The following ACOT11 variants were observed in gnomAD, a reference collection of about 807,000 sequenced individuals.
ACOT11 encodes the protein acyl-coenzyme A thioesterase 11.
A neutral mutation model predicts 77.5 loss-of-function variants in ACOT11; 69 were observed. That is an observed-to-expected ratio of 0.89 (90% CI 0.73 to 1.09). The LOEUF (loss-of-function observed/expected upper bound fraction) is 1.09. ACOT11 is among the 50% of genes least tolerant of loss of function. The pLI, the probability that ACOT11 is intolerant of heterozygous loss-of-function variation, is 0.00. For synonymous variants in ACOT11, 279 were observed against 313.0 expected (o/e 0.89, Z 1.15); for missense variants, 766 against 813.7 (o/e 0.94, Z 0.71).
In ACOT11 at chr1:54,584,559, C is replaced by T; in HGVS notation, c.34-96C>T. The T allele has an allele frequency of 8.2e-7, 1 of 1,215,888 alleles. No homozygotes were observed. Among genetic ancestry groups the T allele is most frequent in the Non-Finnish European group, 1.2e-6 (1 of 864,090 alleles). 75.3% of individuals were successfully genotyped at this position (1,215,888 alleles called of 1,614,324 possible). A position where few individuals can be genotyped will look rare whatever the true frequency, so the allele number is the denominator to read the frequency against. On this transcript the variant is annotated intron_variant, in intron 1 of 15. Coordinates refer to ENST00000343744, the MANE Select transcript of ACOT11 (RefSeq NM_147161.4). This position sits in a 1 kb window ranked among gnomAD's most constrained non-coding sequence, Gnocchi z 6.3. ...TGGGAGGTGGCCCTAGGTACTCTCT[C>T]TCCCCCAGACCCTAAGTTCTCAGGG...
At chr1:54,579,345 G>T (rs1654221411) in intron 1 of ACOT11, among the ~76,000 whole-genome samples, 1 of 152,098 alleles carries the variant, frequency 6.6e-6, no homozygotes, top group South Asian at 2.1e-4. Flanking sequence ...TTATTTGTTT[G>T]TATTTTGGTT....
At chr1:54,570,903 A>G (rs1225734425) in intron 1 of ACOT11, among the ~76,000 whole-genome samples, 2 of 151,438 alleles carry the variant, frequency 1.3e-5, no homozygotes, top group African/African-American at 2.4e-5. Flanking sequence ...GCCTGGTCTC[A>G]AACTCCTGGC....
At chr1:54,624,012 A>G (rs554876759) in intron 15 of ACOT11, among the ~76,000 whole-genome samples, 77 of 152,312 alleles carry the variant, frequency 5.1e-4, no homozygotes, top group African/African-American at 1.8e-3. Context: ...TGGGATAGAA[A>G]TGGATAGTCC....
rs778591642 is a variant in ACOT11 at position 54,609,338 on chromosome 1, C to T, written c.*226C>T. 1.1e-5 allele frequency: 18 copies of T among 1,613,984 alleles called. No individual in the cohort carries two copies. The highest frequency in any genetic ancestry group is 1.5e-5 in the Non-Finnish European group (18 of 1,179,970). ...GGGTAGCCTGTAGTAGACTCGGGTC[C>T]TGTCCACAGCCCTAGCTGCCAGCAA... On this transcript the variant is annotated 3_prime_UTR_variant, in exon 16 of 16. Coordinates refer to ENST00000343744, the MANE Select transcript of ACOT11 (RefSeq NM_147161.4).
rs534888554 is a variant in ACOT11 at position 54,572,344 on chromosome 1, G to T, written c.34-12311G>T. Among the ~76,000 whole-genome samples the T allele has an allele frequency of 7.2e-5, 11 of 152,212 alleles. 1 individual carries two copies. Among genetic ancestry groups the T allele is most frequent in the African/African-American group, 2.6e-4 (11 of 41,528 alleles). On this transcript the variant is annotated intron_variant, in intron 1 of 15. Transcript: ENST00000343744. ...ACAGAGTTGCTTGCAGGATGGTAGG[G>T]CCCGGGTCCATTGCCTGGCCACCTG...
chr1:54,614,544 T>G (rs1171072924), downstream of ACOT11, among the ~76,000 whole-genome samples: 1 of 152,098 alleles, frequency 6.6e-6, no homozygotes, highest in East Asian at 1.9e-4. Flanking sequence ...GGAAAGGCAT[T>G]GGAGGAAGAG....
At chr1:54,568,224 C>CCCTGTCCA (rs1653803869) in intron 1 of ACOT11, among the ~76,000 whole-genome samples, 1 of 152,188 alleles carries the variant, frequency 6.6e-6, no homozygotes, top group African/African-American at 2.4e-5. Context: ...AGAAGCTCCT[C>CCCTGTCCA]CCTGTCCACC....
chr1:54,571,330 C>T (rs116625814), intron 1 of ACOT11, among the ~76,000 whole-genome samples: 10 of 152,272 alleles, frequency 6.6e-5, no homozygotes, highest in Non-Finnish European at 1.2e-4. Flanking sequence ...CTTGTAGGCT[C>T]AAATTCCTCT....
At chr1:54,638,121 C>T (rs1395574685) in exon 17 of ACOT11, 1 of 151,812 alleles carries the variant, frequency 6.6e-6, no homozygotes, top group African/African-American at 2.4e-5. Context: ...TGCATCTGGC[C>T]CAAAGTAAAA....
chr1:54,623,499 A>G (rs1205333665), intron 15 of ACOT11: 1 of 818,666 alleles, frequency 1.2e-6, no homozygotes, highest in African/African-American at 1.7e-5. Flanking sequence ...AGCAGCACCT[A>G]ATTCTCCACC....
Position 54,607,120 on chromosome 1 carries a change from C to CG in ACOT11, c.1371-12dup. On this transcript the variant is annotated splice_polypyrimidine_tract_variant and intron_variant, in intron 13 of 15. Transcript: ENST00000343744. This position sits in a 1 kb window ranked among gnomAD's most constrained non-coding sequence, Gnocchi z 4.5. ...GAAGCTTCCTGGGGCACTGAGATCC[C>CG]GGCCTCCCCACAGGAGCGTGGAGCT... 6.2e-7 allele frequency: 1 copy of CG among 1,613,650 alleles called. No homozygotes were observed. Among genetic ancestry groups the CG allele is most frequent in the Non-Finnish European group, 8.5e-7 (1 of 1,179,752 alleles).
intron 15 of ACOT11, chr1:54,616,242 G>A (rs1644172292): frequency 1.5e-6 from 2 of 1,361,026 alleles, no homozygotes; most frequent in African/African-American, 2.9e-5. Flanking sequence ...CATCATAAAA[G>A]CATTACAAAT....
intron 11 of ACOT11, 120 bp from the exon 12 acceptor site, chr1:54,604,226 C>A: frequency 2.3e-6 from 2 of 888,162 alleles, no homozygotes; most frequent in South Asian, 1.6e-5. Context: ...CCTGCCGCAC[C>A]ACCCACCCAC....
In ACOT11 at chr1:54,548,315, C is replaced by T. The variant is rs1179709572; in HGVS notation, c.6C>T (p.Ile2=). The change falls in exon 1 of 16, where the codon ATC becomes ATT. Residue 2 remains isoleucine (I), a synonymous_variant. Transcript: ENST00000343744. ...TTCCCCGGCCACCCGGCGCGATGAT[C>T]CAGAATGTCGGAAATCACCTGCGAC... M[I]QNVGNHLRRG... is the part of the protein sequence containing the mutation. 1 of 1,600,762 alleles carries T rather than the reference C, an allele frequency of 6.2e-7. No individual in the cohort carries two copies. Among genetic ancestry groups the T allele is most frequent in the Non-Finnish European group, 8.5e-7 (1 of 1,174,228 alleles).
chr1:54,639,132 C>G (rs1303953014), exon 17 of ACOT11: 1 of 137,316 alleles, frequency 7.3e-6, no homozygotes, highest in Non-Finnish European at 1.5e-5. Flanking sequence ...GAGGTCGAGG[C>G]TGCAGTGAGC....
In ACOT11 at chr1:54,616,061, A is replaced by C; in HGVS notation, c.1629+7993A>C. ...CAGCACAGCGTCCAGCCACTGCTCC[A>C]GTGTGTTGTCACTGTAGATAGTGGG... On this transcript the variant is annotated intron_variant, in intron 15 of 16. Transcript: ENST00000371316. 3 of 1,614,132 alleles carry C rather than the reference A, an allele frequency of 1.9e-6. No homozygotes were observed. The highest frequency in any genetic ancestry group is 2.5e-6 in the Non-Finnish European group (3 of 1,180,030).
intron 3 of ACOT11, 24 bp from the exon 4 acceptor site, chr1:54,592,522 C>A: frequency 6.2e-7 from 1 of 1,607,318 alleles, no homozygotes; most frequent in Non-Finnish European, 8.5e-7. Flanking sequence ...CTGGAAGGCT[C>A]ACCTCCTACT....
chr1:54,587,755 T>C (rs1341807564), intron 3 of ACOT11, among the ~76,000 whole-genome samples: 1 of 148,752 alleles, frequency 6.7e-6, no homozygotes, highest in Non-Finnish European at 1.5e-5. Flanking sequence ...AGAGACGGGG[T>C]TTCACCATGT....
chr1:54,605,019 A>G, intron 12 of ACOT11, 57 bp from the exon 13 acceptor site: 3 of 1,547,872 alleles, frequency 1.9e-6, no homozygotes, highest in Non-Finnish European at 2.6e-6. Flanking sequence ...AGCCTCCAGC[A>G]TCCCCATCAG....
Sources: allele counts gnomAD v4.1 joint callset (sites outside exome capture counted in the v4.1 genomes callset), GRCh38; gene constraint gnomAD v4.1.1; non-coding constraint Gnocchi (gnomAD v3.1); transcripts MANE v1.5; gene names NCBI Gene and HGNC (gene_info 2026-07-23, HGNC 2026-07-21).